The following TBC1D5 variants were observed in gnomAD, a reference collection of about 807,000 sequenced individuals.
TBC1D5 encodes the protein TBC1 domain family member 5.
A neutral mutation model predicts 100.3 loss-of-function variants in TBC1D5; 75 were observed. The observed-to-expected ratio is 0.75, with a 90% CI of 0.62 to 0.91. The LOEUF (loss-of-function observed/expected upper bound fraction) is 0.91, where lower values mean the gene tolerates loss of function less well. Among genes scored for constraint, TBC1D5 ranks in the 40% least tolerant of loss-of-function variants. The pLI is 0.00. For missense variants in TBC1D5, 910 were observed against 942.4 expected (o/e 0.97, Z 0.45); for synonymous variants, 323 against 325.6 (o/e 0.99, Z 0.09).
In TBC1D5 at chr3:17,541,106, T is replaced by C. The variant is rs990047920; in HGVS notation, c.-35-32501A>G. On this transcript the variant is annotated intron_variant, in intron 2 of 21. Transcript: ENST00000253692. ...TCAGAAAATGTGAGTCTTCAAGCTT[T>C]GTTCTTCTGTTTCAAGACTGTATTG... is the stretch of plus-strand genomic sequence containing the variant. Among the ~76,000 whole-genome samples, 5 of 151,860 alleles carry C rather than the reference T, an allele frequency of 3.3e-5. No individual in the cohort carries two copies. In the East Asian group the frequency reaches 9.7e-4, roughly 29 times the overall value.
At chr3:17,715,687 A>T (rs1258117545) in intron 1 of TBC1D5, among the ~76,000 whole-genome samples, 1 of 152,144 alleles carries the variant, frequency 6.6e-6, no homozygotes, top group Non-Finnish European at 1.5e-5. Context: ...CTGTAGTCCC[A>T]GCTACTCAGG....
intron 8 of TBC1D5, among the ~76,000 whole-genome samples, chr3:17,400,377 T>C (rs2093615208): frequency 6.6e-6 from 1 of 152,170 alleles, no homozygotes; most frequent in African/African-American, 2.4e-5. Context: ...AAACTAAATT[T>C]ATACAAGCTA....
chr3:17,699,642 C>T (rs576390705), intron 1 of TBC1D5, among the ~76,000 whole-genome samples: 1 of 123,482 alleles, frequency 8.1e-6, no homozygotes, highest in Non-Finnish European at 1.7e-5. Flanking sequence ...ATATAAAAAT[C>T]ATCAGTTATT....
At chr3:17,403,652 G>T (rs1414354358) in intron 7 of TBC1D5, among the ~76,000 whole-genome samples, 1 of 151,994 alleles carries the variant, frequency 6.6e-6, no homozygotes, top group Non-Finnish European at 1.5e-5. Flanking sequence ...GTAATCTAGA[G>T]ATTATTTAAA....
At chr3:17,545,191 T>C (rs557441353) in intron 2 of TBC1D5, among the ~76,000 whole-genome samples, 180 of 152,292 alleles carry the variant, frequency 1.2e-3, no homozygotes, top group African/African-American at 4.2e-3. Flanking sequence ...TATTTAGAGA[T>C]AGGGCCTTTA....
intron 2 of TBC1D5, among the ~76,000 whole-genome samples, chr3:17,583,143 G>A (rs1212204961): frequency 2.0e-5 from 3 of 151,898 alleles, no homozygotes; most frequent in Non-Finnish European, 4.4e-5. Context: ...AAATTAGCCA[G>A]GTATGGTGGC....
At chr3:17,180,461 T>G (rs1303286594) in intron 19 of TBC1D5, among the ~76,000 whole-genome samples, 1 of 152,230 alleles carries the variant, frequency 6.6e-6, no homozygotes, top group African/African-American at 2.4e-5. Flanking sequence ...TTAAGATACT[T>G]ATTGCATGTG....
intron 1 of TBC1D5, among the ~76,000 whole-genome samples, chr3:17,677,453 C>T (rs2153801824): frequency 6.6e-6 from 1 of 152,242 alleles, no homozygotes; most frequent in South Asian, 2.1e-4. Flanking sequence ...AATGAGATAC[C>T]ATCTCACACC....
chr3:17,374,589 T>C (rs367658423), intron 11 of TBC1D5, 40 bp downstream of exon 11: 462 of 1,609,534 alleles, frequency 2.9e-4, no homozygotes, highest in South Asian at 1.4e-3. Context: ...AAAATAATGA[T>C]GGTATAAAAA....
At chr3:17,163,651 G>C (rs1209108179) in intron 21 of TBC1D5, among the ~76,000 whole-genome samples, 1 of 152,116 alleles carries the variant, frequency 6.6e-6, no homozygotes, top group Non-Finnish European at 1.5e-5. Context: ...CTTGAGTTTA[G>C]GATGGTTGTA....
intron 14 of TBC1D5, among the ~76,000 whole-genome samples, chr3:17,299,651 G>A (rs2082620530): frequency 6.6e-6 from 1 of 152,124 alleles, no homozygotes; most frequent in African/African-American, 2.4e-5. Flanking sequence ...AAGGTCAGGA[G>A]ATGGAGACCA....
intron 18 of TBC1D5, among the ~76,000 whole-genome samples, chr3:17,212,776 T>A (rs545847616): frequency 1.3e-5 from 2 of 152,060 alleles, no homozygotes; most frequent in Non-Finnish European, 2.9e-5. Context: ...AGAATAAAGA[T>A]AATAAAAAGC....
intron 20 of TBC1D5, among the ~76,000 whole-genome samples, chr3:17,167,227 AC>A (rs568199699): frequency 2.6e-5 from 4 of 152,160 alleles, no homozygotes; most frequent in Non-Finnish European, 5.9e-5. Context: ...TTGCCTGTAC[AC>A]CCACCCCCAC....
intron 21 of TBC1D5, 138 bp downstream of exon 22, chr3:17,166,629 G>T: frequency 8.3e-7 from 1 of 1,209,716 alleles, no homozygotes. Flanking sequence ...CTGCACAGCT[G>T]TACACAGCAC....
intron 16 of TBC1D5, among the ~76,000 whole-genome samples, chr3:17,245,312 A>G (rs1460034026): frequency 6.6e-6 from 1 of 152,162 alleles, no homozygotes; most frequent in African/African-American, 2.4e-5. Context: ...TCTATATCTA[A>G]TTTTAATTTG....
At chr3:17,732,094 G>T (rs934070552) in intron 1 of TBC1D5, among the ~76,000 whole-genome samples, 1 of 152,054 alleles carries the variant, frequency 6.6e-6, no homozygotes, top group African/African-American at 2.4e-5. Context: ...GAGGCAGGCA[G>T]ATCACTTGAG....
At chr3:17,262,791 T>A (rs1388700794) in intron 15 of TBC1D5, among the ~76,000 whole-genome samples, 1 of 150,942 alleles carries the variant, frequency 6.6e-6, no homozygotes, top group Non-Finnish European at 1.5e-5. Context: ...GACAATGTAT[T>A]TTTTTTTTAA....
At position 17,508,456 on chromosome 3, in the gene TBC1D5, T is replaced by C. The variant is rs774367244; in HGVS notation, c.97+18A>G. Reference sequence around the variant, plus strand: ...CCCAGTACACTACCTACAAATAGTATTGGCATACAAAACTCACCTCCAGAC... The same window carrying C: ...CCCAGTACACTACCTACAAATAGTACTGGCATACAAAACTCACCTCCAGAC... On this transcript the variant is annotated intron_variant, in intron 3 of 21. Transcript: ENST00000253692. The C allele has an allele frequency of 3.3e-5, 53 of 1,591,622 alleles. No homozygotes were observed. Among genetic ancestry groups the C allele is most frequent in the Admixed American group, 1.0e-4 (6 of 59,918 alleles).
At chr3:17,344,603 C>T (rs868828971) in intron 13 of TBC1D5, among the ~76,000 whole-genome samples, 2 of 152,154 alleles carry the variant, frequency 1.3e-5, no homozygotes, top group South Asian at 2.1e-4. Context: ...GAGCCCGCAT[C>T]GCCAAGTCAA....
Sources: gnomAD v4.1 joint callset for allele counts (sites outside exome capture counted in the v4.1 genomes callset) on GRCh38, gnomAD v4.1.1 for gene constraint, MANE v1.5 for transcripts, NCBI Gene and HGNC (gene_info 2026-07-23, HGNC 2026-07-21) for gene names.